CDH23: variants seen among roughly 807,000 people sequenced by gnomAD.
CDH23 encodes cadherin related 23.
CDH23 carries 189 observed loss-of-function variants against 317.1 expected under a neutral mutation model. That is an observed-to-expected ratio of 0.60 (90% CI 0.53 to 0.67). CDH23 has a LOEUF of 0.67. CDH23 is among the 30% of genes least tolerant of loss of function. The pLI is 0.00. For synonymous variants in CDH23, 1,839 were observed against 1,876.8 expected (o/e 0.98, Z 0.52); for missense variants, 4,401 against 4,592.4 (o/e 0.96, Z 1.20).
At chr10:71,529,102 CAT>C (rs2132254414) in intron 6 of CDH23, among the ~76,000 whole-genome samples, 1 of 152,338 alleles carries the variant, frequency 6.6e-6, no homozygotes, top group South Asian at 2.1e-4. Context: ...TTTTAACACA[CAT>C]GTGAGTCAGC....
At chr10:71,754,256 G>A (rs1410642788) in intron 38 of CDH23, among the ~76,000 whole-genome samples, 2 of 152,144 alleles carry the variant, frequency 1.3e-5, no homozygotes, top group African/African-American at 4.8e-5. Flanking sequence ...TTCTAGGAGA[G>A]GAATAGGGGA....
intron 11 of CDH23, among the ~76,000 whole-genome samples, chr10:71,634,483 T>G (rs1862167901): frequency 6.6e-6 from 1 of 152,258 alleles, no homozygotes; most frequent in South Asian, 2.1e-4. Flanking sequence ...TAGCAGATTC[T>G]GATGAGAATG....
intron 11 of CDH23, among the ~76,000 whole-genome samples, chr10:71,619,106 A>G (rs1257163185): frequency 6.6e-6 from 1 of 152,130 alleles, no homozygotes; most frequent in Non-Finnish European, 1.5e-5. Context: ...AGGCCGAGGC[A>G]GGTGGATCAC....
chr10:71,628,548 G>A (rs1317021077), intron 11 of CDH23, among the ~76,000 whole-genome samples: 1 of 152,128 alleles, frequency 6.6e-6, no homozygotes, highest in East Asian at 1.9e-4. Context: ...GCCCATGCTG[G>A]AGTGCAGTGG....
In CDH23 at chr10:71,528,477, C is replaced by T. The variant is rs187433278; in HGVS notation, c.429+17265C>T. Reference sequence around the variant, plus strand: ...GACTGTCAGGCAGGCAGGCCCGTCCCTTCTGCACGGCTGGCCTTGCAGCCG... The same window carrying T: ...GACTGTCAGGCAGGCAGGCCCGTCCTTTCTGCACGGCTGGCCTTGCAGCCG... On this transcript the variant is annotated intron_variant, in intron 6 of 69. Coordinates refer to ENST00000224721, the MANE Select transcript of CDH23 (RefSeq NM_022124.6). 1.6e-4 allele frequency among the ~76,000 whole-genome samples: 25 copies of T among 152,346 alleles called. No homozygotes were observed. The East Asian group carries it at 4.4e-3, about 27-fold the overall frequency.
At chr10:71,775,094 C>T (rs1461522979) in intron 38 of CDH23, among the ~76,000 whole-genome samples, 2 of 152,216 alleles carry the variant, frequency 1.3e-5, no homozygotes, top group Non-Finnish European at 2.9e-5. Context: ...TGCTCCTGGC[C>T]TTGTGACCCC....
At chr10:71,675,419 C>A (rs568513024) in intron 15 of CDH23, among the ~76,000 whole-genome samples, 1 of 152,292 alleles carries the variant, frequency 6.6e-6, no homozygotes, top group African/African-American at 2.4e-5. Flanking sequence ...AAAAGATAGC[C>A]TTTAGCTTTG....
intron 11 of CDH23, among the ~76,000 whole-genome samples, chr10:71,630,384 G>A (rs1861949491): frequency 6.6e-6 from 1 of 152,158 alleles, no homozygotes; most frequent in South Asian, 2.1e-4. Flanking sequence ...TGACCCTGAG[G>A]GGCAGGGGCC....
intron 9 of CDH23, among the ~76,000 whole-genome samples, chr10:71,603,268 G>A (rs1465210846): frequency 1.3e-5 from 2 of 152,152 alleles, no homozygotes; most frequent in African/African-American, 2.4e-5. Flanking sequence ...TTTCTTAAGT[G>A]TCTCTCCCAC....
chr10:71,706,288 G>A (rs1475270341), intron 25 of CDH23, among the ~76,000 whole-genome samples: 1 of 152,142 alleles, frequency 6.6e-6, no homozygotes, highest in Non-Finnish European at 1.5e-5. Flanking sequence ...CCTTATTTCG[G>A]GGGGTGGGAT....
chr10:71,516,400 C>G (rs937607316), intron 6 of CDH23, among the ~76,000 whole-genome samples: 3 of 152,216 alleles, frequency 2.0e-5, no homozygotes, highest in African/African-American at 7.2e-5. Flanking sequence ...CGAAGCCACG[C>G]CTCCTGGCCC....
chr10:71,451,251 C>G (rs1347683929), intron 3 of CDH23, among the ~76,000 whole-genome samples: 1 of 152,228 alleles, frequency 6.6e-6, no homozygotes, highest in African/African-American at 2.4e-5. Context: ...TCAGTGTTCT[C>G]CCTGACTCGG....
chr10:71,780,232 G>A (rs950035150), intron 41 of CDH23, among the ~76,000 whole-genome samples: 1 of 152,286 alleles, frequency 6.6e-6, no homozygotes, highest in Middle Eastern at 3.4e-3. Context: ...CAAGAGCTGG[G>A]GATACCAAAC....
intron 3 of CDH23, among the ~76,000 whole-genome samples, chr10:71,481,838 G>A (rs988076812): frequency 4.6e-5 from 7 of 152,200 alleles, no homozygotes; most frequent in African/African-American, 1.7e-4. Context: ...GCAGCCCTGA[G>A]TCTCGCACTG....
chr10:71,793,047 A>G (rs1168637660), intron 47 of CDH23, 135 bp from the exon 48 acceptor site: 1 of 588,308 alleles, frequency 1.7e-6, no homozygotes, highest in African/African-American at 1.9e-5. Flanking sequence ...TGCAAGTATG[A>G]AAAAGGTATA....
chr10:71,575,156 T>A (rs1237682610), intron 8 of CDH23, among the ~76,000 whole-genome samples: 1 of 152,178 alleles, frequency 6.6e-6, no homozygotes, highest in African/African-American at 2.4e-5. Flanking sequence ...AGAAAGCCAC[T>A]TGCCTCTAGG....
In CDH23 at chr10:71,769,712, G is replaced by A. The variant is rs140768284; in HGVS notation, c.4846-7968G>A. On this transcript the variant is annotated intron_variant, in intron 38 of 69. Transcript: ENST00000224721. ...CAGCAGAGGCAGGGTTTGACCCCAGGTCCCCATGGGAAATAAGATCCTACG... is the reference window on the plus strand; with the variant it reads ...CAGCAGAGGCAGGGTTTGACCCCAGATCCCCATGGGAAATAAGATCCTACG... Among the ~76,000 whole-genome samples the A allele has an allele frequency of 1.1e-3, 169 of 152,278 alleles. No individual in the cohort carries two copies. In the South Asian group the frequency reaches 0.018, roughly 16 times the overall value.
chr10:71,810,633 AG>A, intron 62 of CDH23, 64 bp downstream of exon 62: 1 of 1,458,204 alleles, frequency 6.9e-7, no homozygotes, highest in Non-Finnish European at 9.6e-7. Flanking sequence ...GCCCTGGAGT[AG>A]GGGAGGGGAC....
At chr10:71,534,652 TAGTC>T (rs1371907839) in intron 6 of CDH23, among the ~76,000 whole-genome samples, 2 of 152,230 alleles carry the variant, frequency 1.3e-5, no homozygotes, top group African/African-American at 2.4e-5. Flanking sequence ...ACTCATGTGA[TAGTC>T]AGAGCCACTT....
Sources: gnomAD v4.1 joint callset for allele counts (sites outside exome capture counted in the v4.1 genomes callset) on GRCh38, gnomAD v4.1.1 for gene constraint, MANE v1.5 for transcripts, NCBI Gene and HGNC (gene_info 2026-07-23, HGNC 2026-07-21) for gene names.